The following DOCK8 variants were observed in gnomAD, a reference collection of about 807,000 sequenced individuals.
DOCK8 encodes the protein dedicator of cytokinesis protein 8.
In DOCK8, 141 loss-of-function variants were observed where a neutral mutation model predicts 245.6. That is an observed-to-expected ratio of 0.57 (90% CI 0.50 to 0.66). The LOEUF is 0.66. Ranked by LOEUF, DOCK8 falls within the 30% of genes least tolerant of loss-of-function variation. The probability of loss-of-function intolerance (pLI) is 0.00; values close to 1 mark genes in which losing one functional copy is unlikely to be tolerated. For synonymous variants in DOCK8, 1,168 were observed against 970.2 expected, an observed-to-expected ratio of 1.20 and a Z score of -3.79; for missense variants, 2,965 against 2,603.4, an observed-to-expected ratio of 1.14 and a Z score of -3.02.
At chr9:257,043 T>A (rs1319649921) in intron 1 of DOCK8, among the ~76,000 whole-genome samples, 2 of 152,206 alleles carry the variant, frequency 1.3e-5, no homozygotes, top group Admixed American at 1.3e-4. Flanking sequence ...CAGAGCTTTT[T>A]CTTAAAGTAA....
At chr9:279,383 A>G (rs373272351) in intron 2 of DOCK8, among the ~76,000 whole-genome samples, 22 of 152,358 alleles carry the variant, frequency 1.4e-4, no homozygotes, top group African/African-American at 5.3e-4. Flanking sequence ...AAAAATGTAT[A>G]TTTAAAGCCA....
intron 2 of DOCK8, among the ~76,000 whole-genome samples, chr9:285,559 G>C (rs1165657524): frequency 6.6e-6 from 1 of 152,056 alleles, no homozygotes; most frequent in Non-Finnish European, 1.5e-5. Context: ...AAATCTACTT[G>C]ATCTAAGGGA....
chr9:281,895 T>C (rs1428405813), intron 2 of DOCK8, among the ~76,000 whole-genome samples: 1 of 151,836 alleles, frequency 6.6e-6, no homozygotes, highest in Non-Finnish European at 1.5e-5. Context: ...GTAGAAAGAG[T>C]AGGGGAGACG....
chr9:227,465 C>G (rs1165032565), intron 1 of DOCK8, among the ~76,000 whole-genome samples: 4 of 152,136 alleles, frequency 2.6e-5, no homozygotes, highest in African/African-American at 9.7e-5. Flanking sequence ...TTCTCCTATT[C>G]TAAACAATCT....
chr9:326,801 GA>G (rs2050784466), intron 8 of DOCK8, among the ~76,000 whole-genome samples: 1 of 152,264 alleles, frequency 6.6e-6, no homozygotes, highest in South Asian at 2.1e-4. Flanking sequence ...AGGAGGCCTG[GA>G]AGTTTGATAC....
Position 463,577 on chromosome 9 carries a change from G to T in DOCK8, c.6129G>T (p.Gln2043His). 2 of 1,614,198 alleles carry T rather than the reference G, an allele frequency of 1.2e-6. No homozygotes were observed. Among genetic ancestry groups the T allele is most frequent in the Non-Finnish European group, 8.5e-7 (1 of 1,180,040 alleles). ...RLITADQREY[Q>H]QELKKNYNKL... ...TCACGGCAGACCAGAGGGAATATCA[G>T]CAGGAACTCAAAAAGAACTATAACA... Residue 2043 changes from glutamine (Q) to histidine (H), a missense_variant, in exon 47 of 48, where the codon CAG becomes CAT. Gln to His is a conservative substitution (Grantham distance 24, BLOSUM62 0). Coordinates refer to ENST00000432829, the MANE Select transcript of DOCK8 (RefSeq NM_203447.4).
At chr9:284,249 G>C (rs565695988) in intron 2 of DOCK8, 2 of 152,342 alleles carry the variant, frequency 1.3e-5, no homozygotes, top group African/African-American at 4.8e-5. Flanking sequence ...TGCATAGATG[G>C]TGTCTGTTGT....
At chr9:284,347 C>T (rs1473724955) in intron 2 of DOCK8, 1 of 152,258 alleles carries the variant, frequency 6.6e-6, no homozygotes, top group African/African-American at 2.4e-5. Context: ...CCTTTAGCCC[C>T]TCATGGTTCC....
rs778993684 is a variant in DOCK8, at chr9:382,667, G to C, written c.2760G>C (p.Lys920Asn). Residue 920 changes from lysine to asparagine, a missense_variant, in exon 22 of 48, where the codon AAG (lysine) becomes AAC (asparagine). By Grantham distance (94) the Lys-to-Asn change is moderately conservative. Transcript: ENST00000432829. ...GTHSAADEEV[K>N]NIMSSKIADR... ...ACTCCGCAGCAGACGAGGAAGTGAA[G>C]AACATCATGTCTTCAAAGGTAGGAA... The C allele has an allele frequency of 4.3e-6, 7 of 1,614,172 alleles. No individual in the cohort carries two copies. The South Asian group carries it at 6.6e-5, about 15-fold the overall frequency.
At chr9:388,577 G>A (rs565502102) in intron 23 of DOCK8, among the ~76,000 whole-genome samples, 1 of 149,434 alleles carries the variant, frequency 6.7e-6, no homozygotes, top group Admixed American at 6.6e-5. Context: ...TTGAAACAGA[G>A]TCTCACTTAC....
At chr9:459,865 C>T (rs1431903579) in intron 46 of DOCK8, 4 of 152,234 alleles carry the variant, frequency 2.6e-5, no homozygotes. Context: ...TGGTTCAGAA[C>T]TCTTATAGTA....
chr9:327,783 G>A (rs549339781), intron 8 of DOCK8, among the ~76,000 whole-genome samples: 3 of 152,226 alleles, frequency 2.0e-5, no homozygotes, highest in East Asian at 1.9e-4. Context: ...AAATACCGGT[G>A]GGTTAATAAA....
chr9:401,352 G>A (rs2055091408), intron 26 of DOCK8, among the ~76,000 whole-genome samples: 1 of 152,142 alleles, frequency 6.6e-6, no homozygotes. Context: ...TAGGCCTGCA[G>A]TGAGGAGGGG....
At chr9:360,990 C>T (rs532300418) in intron 14 of DOCK8, among the ~76,000 whole-genome samples, 3 of 152,168 alleles carry the variant, frequency 2.0e-5, no homozygotes, top group Admixed American at 6.6e-5. Flanking sequence ...GAAGATTTCA[C>T]CTCTACAAAA....
intron 26 of DOCK8, among the ~76,000 whole-genome samples, chr9:400,250 CCAT>C (rs1240361929): frequency 9.1e-5 from 8 of 87,818 alleles, no homozygotes; most frequent in East Asian, 3.5e-4. Flanking sequence ...ACCACCTCCA[CCAT>C]CACCACCACC....
At chr9:429,666 C>G (rs774526784) in intron 35 of DOCK8, 36 bp from the exon 36 acceptor site, 2 of 1,613,734 alleles carry the variant, frequency 1.2e-6, no homozygotes, top group Non-Finnish European at 1.7e-6. Flanking sequence ...ATCAAACTGC[C>G]AAGTGATGCC....
At chr9:256,592 G>T (rs1281112796) in intron 1 of DOCK8, among the ~76,000 whole-genome samples, 1 of 152,142 alleles carries the variant, frequency 6.6e-6, no homozygotes, top group African/African-American at 2.4e-5. Context: ...TGGTTAGCTG[G>T]GGTGGGGTCT....
Position 396,804 on chromosome 9 carries a change from A to G in DOCK8, c.2990A>G (p.His997Arg). The G allele has an allele frequency of 6.2e-7, 1 of 1,614,150 alleles. No individual in the cohort carries two copies. The highest frequency in any genetic ancestry group is 8.5e-7 in the Non-Finnish European group (1 of 1,180,016). The change falls in exon 25 of 48, where the codon CAC becomes CGC. Residue 997 changes from histidine to arginine, a missense_variant. By Grantham distance (29) the His-to-Arg change is conservative. Coordinates refer to ENST00000432829, the MANE Select transcript of DOCK8 (RefSeq NM_203447.4). ...FELLVKSMAQ[H>R]VHNMDKRDSF... is the part of the protein sequence containing the mutation. ...CCGCAGGTGAAAAGCATGGCCCAGC[A>G]CGTACATAACATGGACAAACGGGAC...
chr9:342,237 C>G (rs58189963), intron 14 of DOCK8, among the ~76,000 whole-genome samples: 3 of 150,860 alleles, frequency 2.0e-5, no homozygotes, highest in East Asian at 1.9e-4. Flanking sequence ...GATTGCTGCT[C>G]TAGGTGTTAT....
Sources: allele counts gnomAD v4.1 joint callset (sites outside exome capture counted in the v4.1 genomes callset), GRCh38; gene constraint gnomAD v4.1.1; transcripts MANE v1.5; gene names NCBI Gene and HGNC (gene_info 2026-07-23, HGNC 2026-07-21).